RGS3: variants seen among roughly 807,000 people sequenced by gnomAD.
The protein encoded by RGS3 is regulator of G-protein signalling 3.
A neutral mutation model predicts 132.6 loss-of-function variants in RGS3; 80 were observed. That is an observed-to-expected ratio of 0.60 (90% CI 0.50 to 0.73). The LOEUF (loss-of-function observed/expected upper bound fraction) is 0.73, where lower values mean the gene tolerates loss of function less well. Ranked by LOEUF, RGS3 falls within the 30% of genes least tolerant of loss-of-function variation. The pLI is 0.00. For missense variants in RGS3, 1,382 were observed against 1,530.8 expected (o/e 0.90, Z 1.62); for synonymous variants, 598 against 620.6 (o/e 0.96, Z 0.54).
chr9:113,581,615 T>C (rs1834813671), intron 19 of RGS3: 1 of 152,302 alleles, frequency 6.6e-6, no homozygotes, highest in Admixed American at 6.5e-5. Context: ...TACTCAGGCA[T>C]GCTGGTTATC....
intron 19 of RGS3, among the ~76,000 whole-genome samples, chr9:113,553,091 G>A (rs1299485079): frequency 6.6e-6 from 1 of 151,880 alleles, no homozygotes; most frequent in Non-Finnish European, 1.5e-5. Context: ...GTAGACATAT[G>A]CTATGTTTTG....
At chr9:113,584,624 T>C (rs1452515311) in intron 20 of RGS3, among the ~76,000 whole-genome samples, 197 bp downstream of exon 18, 1 of 152,206 alleles carries the variant, frequency 6.6e-6, no homozygotes, top group Non-Finnish European at 1.5e-5. Context: ...CTTAAACACA[T>C]GACTTTAGGA....
chr9:113,445,259 G>A (rs901070646), intron 1 of RGS3, among the ~76,000 whole-genome samples: 5 of 151,544 alleles, frequency 3.3e-5, no homozygotes, highest in Non-Finnish European at 4.4e-5. Context: ...GTGCAATGGC[G>A]TGATCTCGGC....
chr9:113,551,151 G>A (rs865822565), intron 19 of RGS3, among the ~76,000 whole-genome samples: 4 of 151,996 alleles, frequency 2.6e-5, no homozygotes, highest in Non-Finnish European at 5.9e-5. Context: ...AACCCTAAGC[G>A]ACCACTAGTT....
intron 14 of RGS3, among the ~76,000 whole-genome samples, chr9:113,512,867 T>C (rs1386959261): frequency 6.6e-6 from 1 of 152,134 alleles, no homozygotes; most frequent in Non-Finnish European, 1.5e-5. Context: ...CGACTTTGTG[T>C]TTTGTCCCTC....
intron 19 of RGS3, among the ~76,000 whole-genome samples, chr9:113,568,718 A>G (rs1826999923): frequency 1.3e-5 from 2 of 152,198 alleles, no homozygotes; most frequent in Admixed American, 1.3e-4. Context: ...GCTTAGGGAA[A>G]ACCATCATTC....
chr9:113,450,403 C>T (rs114865960), intron 1 of RGS3, among the ~76,000 whole-genome samples: 114 of 152,334 alleles, frequency 7.5e-4, no homozygotes, highest in African/African-American at 2.6e-3. Flanking sequence ...TGCCAGGCCC[C>T]AGGCTTGGCA....
intron 21 of RGS3, chr9:113,594,004 C>A (rs1236706319): frequency 6.2e-7 from 1 of 1,612,934 alleles, no homozygotes; most frequent in Non-Finnish European, 8.5e-7. Context: ...CAGACACATG[C>A]CCCTTTCACG....
chr9:113,497,945 G>C, intron 9 of RGS3, 80 bp from the exon 8 acceptor site: 1 of 1,463,392 alleles, frequency 6.8e-7, no homozygotes, highest in South Asian at 1.1e-5. Flanking sequence ...CTGTTTCCCA[G>C]TGCTGTCCTC....
intron 1 of RGS3, among the ~76,000 whole-genome samples, chr9:113,447,329 G>GTATATATATATCTATATATATATA (rs1829129858): frequency 3.6e-5 from 1 of 27,536 alleles, no homozygotes; most frequent in Non-Finnish European, 7.5e-5. Context: ...GTATGTATAT[G>GTATATATATATCTATATATATATA]TATATATATA....
chr9:113,501,941 G>T (rs1324910884), intron 10 of RGS3, among the ~76,000 whole-genome samples: 1 of 152,236 alleles, frequency 6.6e-6, no homozygotes, highest in African/African-American at 2.4e-5. Flanking sequence ...TTGCTGAGCA[G>T]CTGGGAGCAG....
At chr9:113,451,287 A>G (rs1829238850) in intron 1 of RGS3, among the ~76,000 whole-genome samples, 1 of 152,178 alleles carries the variant, frequency 6.6e-6, no homozygotes, top group Non-Finnish European at 1.5e-5. Flanking sequence ...CTCCAGAACA[A>G]CTAACTTAGA....
intron 19 of RGS3, among the ~76,000 whole-genome samples, chr9:113,566,427 T>G (rs1781300382): frequency 6.6e-6 from 1 of 152,124 alleles, no homozygotes; most frequent in African/African-American, 2.4e-5. Context: ...GCCTGGAGGG[T>G]CCACATCTCT....
exon 20 of RGS3, chr9:113,584,345 C>T (rs913462980): frequency 1.9e-5 from 30 of 1,583,740 alleles, no homozygotes; most frequent in East Asian, 4.5e-5. Context: ...GGCATGCCTT[C>T]GCCCAGCACC....
chr9:113,481,683 T>C (rs1272134100), intron 4 of RGS3, among the ~76,000 whole-genome samples: 2 of 152,210 alleles, frequency 1.3e-5, no homozygotes, highest in African/African-American at 4.8e-5. Context: ...ACTCCTTCCA[T>C]TGGTTTCCCA....
rs140518217 is a variant in RGS3, at chr9:113,532,447, C to G, written c.1914+3183C>G. 7.4e-4 allele frequency among the ~76,000 whole-genome samples: 112 copies of G among 152,240 alleles called. 1 individual carries two copies. Among genetic ancestry groups the G allele is most frequent in the African/African-American group, 2.4e-3 (101 of 41,538 alleles). ...CCATCTAAGCCAGCCAGCTCTGCCC[C>G]CTGCCTTGGAAGCCTTCTGGGTCCT... On this transcript the variant is annotated intron_variant, in intron 18 of 24. Transcript: ENST00000350696.
chr9:113,531,606 A>G (rs1490105557), intron 18 of RGS3, among the ~76,000 whole-genome samples: 1 of 152,192 alleles, frequency 6.6e-6, no homozygotes, highest in Non-Finnish European at 1.5e-5. Flanking sequence ...AGAAATCACA[A>G]ATGATTTATT....
At chr9:113,556,006 G>T (rs1397775844) in intron 19 of RGS3, among the ~76,000 whole-genome samples, 4 of 152,076 alleles carry the variant, frequency 2.6e-5, no homozygotes, top group Non-Finnish European at 5.9e-5. Flanking sequence ...TCTTATCCTT[G>T]TAAGCCTGAA....
chr9:113,482,638 G>C (rs1029026294), intron 4 of RGS3, among the ~76,000 whole-genome samples: 1 of 152,232 alleles, frequency 6.6e-6, no homozygotes, highest in Non-Finnish European at 1.5e-5. Context: ...AGAGACATGG[G>C]TTCCAAATCC....
Sources: gnomAD v4.1 joint callset for allele counts (sites outside exome capture counted in the v4.1 genomes callset) on GRCh38, gnomAD v4.1.1 for gene constraint, MANE v1.5 for transcripts, NCBI Gene and HGNC (gene_info 2026-07-23, HGNC 2026-07-21) for gene names.